GULP1: variants seen among roughly 807,000 people sequenced by gnomAD.
GULP1 encodes PTB domain-containing engulfment adapter protein 1.
A neutral mutation model predicts 40.9 loss-of-function variants in GULP1; 19 were observed. The observed-to-expected ratio is 0.46, with a 90% confidence interval of 0.32 to 0.68. The LOEUF (loss-of-function observed/expected upper bound fraction) is 0.68. Among genes scored for constraint, GULP1 ranks in the 30% least tolerant of loss-of-function variants. The pLI is 0.03. For missense variants in GULP1, 312 were observed against 362.2 expected (o/e 0.86, Z 1.12); for synonymous variants, 119 against 117.6 (o/e 1.01, Z -0.08).
At chr2:188,536,546 G>A (rs974402403) in intron 6 of GULP1, among the ~76,000 whole-genome samples, 5 of 151,880 alleles carry the variant, frequency 3.3e-5, no homozygotes, top group African/African-American at 9.7e-5. Context: ...ATTGGTCTAT[G>A]TACCTGTTTT....
At chr2:188,546,284 T>A (rs1267667341) in intron 7 of GULP1, among the ~76,000 whole-genome samples, 1 of 151,926 alleles carries the variant, frequency 6.6e-6, no homozygotes, top group Admixed American at 6.6e-5. Context: ...TATTTTCAAG[T>A]GTTTGAGGAA....
chr2:188,505,935 G>T (rs1354757370), intron 4 of GULP1, among the ~76,000 whole-genome samples: 1 of 151,708 alleles, frequency 6.6e-6, no homozygotes, highest in African/African-American at 2.4e-5. Context: ...TTGACCAACT[G>T]CATGACCTTA....
At chr2:188,479,880 T>C (rs554859435) in intron 3 of GULP1, among the ~76,000 whole-genome samples, 6 of 152,106 alleles carry the variant, frequency 3.9e-5, no homozygotes, top group Non-Finnish European at 7.4e-5. Flanking sequence ...GTGGAGTGAT[T>C]TGGAGAATCA....
intron 1 of GULP1, among the ~76,000 whole-genome samples, chr2:188,382,953 A>C (rs1321912576): frequency 6.6e-6 from 1 of 152,218 alleles, no homozygotes; most frequent in Non-Finnish European, 1.5e-5. Context: ...AGTCAAAAAT[A>C]TAGATATGGC....
At chr2:188,590,061 C>T (rs1055682922) in intron 11 of GULP1, 5 of 171,712 alleles carry the variant, frequency 2.9e-5, no homozygotes, top group Admixed American at 2.5e-4. Flanking sequence ...CAACCTCCAC[C>T]GCCCGGGCTC....
At chr2:188,351,387 T>C (rs1020682530) in intron 1 of GULP1, among the ~76,000 whole-genome samples, 6 of 152,102 alleles carry the variant, frequency 3.9e-5, no homozygotes, top group African/African-American at 4.8e-5. Context: ...AAATAACGCT[T>C]CTGACTTCAA....
intron 1 of GULP1, among the ~76,000 whole-genome samples, chr2:188,373,608 G>A (rs373782469): frequency 6.6e-6 from 1 of 151,866 alleles, no homozygotes; most frequent in African/African-American, 2.4e-5. Context: ...TCCTTAGGCA[G>A]TGAAAAGGTA....
intron 9 of GULP1, among the ~76,000 whole-genome samples, chr2:188,581,727 A>G (rs1356697742): frequency 6.6e-6 from 1 of 152,162 alleles, no homozygotes; most frequent in Non-Finnish European, 1.5e-5. Context: ...GACTATAGAA[A>G]GGGCATGATG....
At chr2:188,421,955 A>T (rs1417639763) in intron 2 of GULP1, among the ~76,000 whole-genome samples, 1 of 152,182 alleles carries the variant, frequency 6.6e-6, no homozygotes, top group Non-Finnish European at 1.5e-5. Context: ...TCAAAGAAAA[A>T]GTATCGGACC....
intron 3 of GULP1, among the ~76,000 whole-genome samples, chr2:188,482,009 C>T (rs148673721): frequency 6.6e-6 from 1 of 150,914 alleles, no homozygotes; most frequent in South Asian, 2.1e-4. Context: ...AAATTTCACA[C>T]ATTAAATGTC....
chr2:188,577,460 T>C (rs1328411565), intron 9 of GULP1, among the ~76,000 whole-genome samples: 1 of 152,104 alleles, frequency 6.6e-6, no homozygotes, highest in Non-Finnish European at 1.5e-5. Flanking sequence ...TCAAGAATAT[T>C]TGATGCCCAC....
At chr2:188,433,806 T>C (rs1310578173) in intron 2 of GULP1, among the ~76,000 whole-genome samples, 1 of 152,164 alleles carries the variant, frequency 6.6e-6, no homozygotes, top group Non-Finnish European at 1.5e-5. Context: ...CAGGAAGTCC[T>C]GAGAACATGT....
intron 7 of GULP1, among the ~76,000 whole-genome samples, chr2:188,546,353 A>G (rs1021096111): frequency 1.3e-5 from 2 of 152,024 alleles, no homozygotes; most frequent in African/African-American, 4.8e-5. Flanking sequence ...ATTTAAAAGA[A>G]TTAAAATTAT....
At chr2:188,487,258 C>G (rs2061944100) in intron 4 of GULP1, among the ~76,000 whole-genome samples, 1 of 151,714 alleles carries the variant, frequency 6.6e-6, no homozygotes, top group Non-Finnish European at 1.5e-5. Context: ...ATGTTTTATT[C>G]TAAAATGTAT....
Position 188,371,229 on chromosome 2 carries a change from T to C in GULP1, c.-171-12534T>C, listed in dbSNP as rs2047562187. ...CTGAAGCAGGGTTTCTTGGCAGGTATTAATAGAAAACAATAAACATCATTA... is the reference window on the plus strand; with the variant it reads ...CTGAAGCAGGGTTTCTTGGCAGGTACTAATAGAAAACAATAAACATCATTA... On this transcript the variant is annotated intron_variant, in intron 1 of 11. Transcript: ENST00000409830. 3.3e-5 allele frequency among the ~76,000 whole-genome samples: 5 copies of C among 152,230 alleles called. No individual in the cohort carries two copies. The South Asian group carries it at 1.0e-3, about 32-fold the overall frequency.
chr2:188,547,953 T>C (rs1692402713), intron 7 of GULP1, among the ~76,000 whole-genome samples: 2 of 151,950 alleles, frequency 1.3e-5, no homozygotes, highest in Non-Finnish European at 1.5e-5. Flanking sequence ...TTTAAAACTC[T>C]CAGAAAAATA....
chr2:188,420,851 T>C (rs1375173240), intron 2 of GULP1, among the ~76,000 whole-genome samples: 1 of 152,178 alleles, frequency 6.6e-6, no homozygotes, highest in Non-Finnish European at 1.5e-5. Context: ...CTGTGGATTG[T>C]ATCTAGAGTG....
rs187936771 is a variant in GULP1 at position 188,527,076 on chromosome 2, C to T, written c.163-2021C>T. Among the ~76,000 whole-genome samples the T allele has an allele frequency of 5.6e-3, 852 of 152,272 alleles. 10 individuals carry two copies. The highest frequency in any genetic ancestry group is 5.5e-3 in the Admixed American group (84 of 15,290). On this transcript the variant is annotated intron_variant, in intron 5 of 11. Transcript: ENST00000409830. Reference sequence around the variant, plus strand: ...CTCTCTTCCTTTCTTCCTCCCCACTCCCTTCTTACCTCTCCACTTTGTTTT... The same window carrying T: ...CTCTCTTCCTTTCTTCCTCCCCACTTCCTTCTTACCTCTCCACTTTGTTTT...
intron 9 of GULP1, among the ~76,000 whole-genome samples, chr2:188,581,222 A>G (rs1381601609): frequency 6.6e-6 from 1 of 152,176 alleles, no homozygotes; most frequent in Non-Finnish European, 1.5e-5. Context: ...AGTATGACTC[A>G]GTATTCAGTA....
Sources: allele counts gnomAD v4.1 joint callset (sites outside exome capture counted in the v4.1 genomes callset), GRCh38; gene constraint gnomAD v4.1.1; transcripts MANE v1.5; gene names NCBI Gene and HGNC (gene_info 2026-07-23, HGNC 2026-07-21).